Variants in SNRPN observed in about 807,000 individuals in gnomAD.
SNRPN encodes small nuclear ribonucleoprotein-associated protein N.
Under a neutral mutation model 25.2 loss-of-function variants are expected in SNRPN, and 7 were observed. That is an observed-to-expected ratio of 0.28 (90% CI 0.16 to 0.52). The LOEUF is 0.52. Ranked by LOEUF, SNRPN falls within the 20% of genes least tolerant of loss-of-function variation. The pLI, the probability that SNRPN is intolerant of heterozygous loss-of-function variation, is 0.96. For missense variants in SNRPN, 196 were observed against 322.5 expected (o/e 0.61, Z 3.00); for synonymous variants, 124 against 110.6 (o/e 1.12, Z -0.76).
At chr15:24,839,418 T>G (rs2051485473) in intron 2 of SNRPN, among the ~76,000 whole-genome samples, 1 of 152,074 alleles carries the variant, frequency 6.6e-6, no homozygotes, top group South Asian at 2.1e-4. Context: ...TCCACAAGCG[T>G]GCATATTTTT....
At chr15:24,933,604 C>A (rs1402224968) in intron 3 of SNRPN, among the ~76,000 whole-genome samples, 1 of 152,036 alleles carries the variant, frequency 6.6e-6, no homozygotes, top group African/African-American at 2.4e-5. Context: ...ATGATGAAAC[C>A]CTGTTTCTAC....
intron 2 of SNRPN, among the ~76,000 whole-genome samples, chr15:24,908,328 G>A (rs139741903): frequency 6.6e-6 from 1 of 152,182 alleles, no homozygotes; most frequent in Admixed American, 6.6e-5. Flanking sequence ...TGAGTAATGG[G>A]TAGAGGCTGG....
At chr15:24,908,358 C>T (rs1003623381) in intron 2 of SNRPN, among the ~76,000 whole-genome samples, 1 of 152,052 alleles carries the variant, frequency 6.6e-6, no homozygotes, top group Non-Finnish European at 1.5e-5. Flanking sequence ...GAAGTGCATG[C>T]TAGAAGAAGG....
intron 2 of SNRPN, among the ~76,000 whole-genome samples, chr15:24,840,073 A>G (rs2051557027): frequency 1.3e-5 from 2 of 152,196 alleles, no homozygotes; most frequent in African/African-American, 4.8e-5. Context: ...AAAGAGGGAT[A>G]TAGGCCGGGC....
rs2077324093 is a variant in SNRPN at position 24,978,591 on chromosome 15, T to C, written c.*147T>C. On this transcript the variant is annotated 3_prime_UTR_variant, in exon 10 of 10. Coordinates refer to ENST00000390687, the MANE Select transcript of SNRPN (RefSeq NM_003097.6). The stretch of plus-strand genomic sequence containing the variant: ...AGAGCAATTAAACTGTGAGGTACTG[T>C]TGTATATATTTTTTTGCCTGTTGAT... 2.6e-6 allele frequency: 2 copies of C among 762,682 alleles called. No homozygotes were observed. The highest frequency in any genetic ancestry group is 3.8e-4 in the Middle Eastern group (1 of 2,600). The allele number at this position is 762,682 out of a possible 1,614,324, so 47.2% of individuals were successfully genotyped here. A position where few individuals can be genotyped will look rare whatever the true frequency, so the allele number is the denominator to read the frequency against.
At chr15:24,970,890 A>G (rs2076316021) in intron 3 of SNRPN, among the ~76,000 whole-genome samples, 1 of 152,086 alleles carries the variant, frequency 6.6e-6, no homozygotes, top group Non-Finnish European at 1.5e-5. Context: ...TTGTGTATTA[A>G]TATTTTGCAT....
chr15:24,835,033 AGTATATATAT>A (rs1464543179), intron 2 of SNRPN, among the ~76,000 whole-genome samples: 1 of 57,254 alleles, frequency 1.7e-5, no homozygotes, highest in Non-Finnish European at 3.5e-5. Context: ...AGATATATAT[AGTATATATAT>A]CTATATATAA....
intron 3 of SNRPN, among the ~76,000 whole-genome samples, chr15:24,940,116 T>C (rs565581883): frequency 1.6e-4 from 24 of 152,312 alleles, no homozygotes; most frequent in African/African-American, 4.8e-4. Flanking sequence ...ATTCGGACTA[T>C]TAACATCTTA....
Position 24,918,825 on chromosome 15 carries a change from CAT to C in SNRPN, c.-504-1178_-504-1177del, listed in dbSNP as rs1298263772. Among the ~76,000 whole-genome samples the C allele has an allele frequency of 1.9e-5, 2 of 105,650 alleles. 1 individual carries two copies. Among genetic ancestry groups the C allele is most frequent in the Non-Finnish European group, 3.7e-5 (2 of 53,978 alleles). The allele number at this position is 105,650 out of a possible 152,430, so 69.3% of individuals were successfully genotyped here. A position where few individuals can be genotyped will look rare whatever the true frequency, so the allele number is the denominator to read the frequency against. On this transcript the variant is annotated intron_variant, in intron 2 of 11. Transcript: ENST00000400097. ...ATATATAACAATATATATATGTGCG[CAT>C]ATATATAATATATATATGCGCACAT...
chr15:24,840,079 C>T (rs745386948), intron 2 of SNRPN, among the ~76,000 whole-genome samples: 2 of 152,080 alleles, frequency 1.3e-5, no homozygotes, highest in African/African-American at 4.8e-5. Context: ...GGATATAGGC[C>T]GGGCGTGGTG....
intron 2 of SNRPN, among the ~76,000 whole-genome samples, chr15:24,892,845 T>C (rs1206734329): frequency 6.6e-6 from 1 of 152,098 alleles, no homozygotes; most frequent in African/African-American, 2.4e-5. Flanking sequence ...AAGAAAAGGC[T>C]TTTTGTCAAT....
chr15:24,847,537 G>A (rs1308785441), intron 2 of SNRPN, among the ~76,000 whole-genome samples: 1 of 152,120 alleles, frequency 6.6e-6, no homozygotes, highest in African/African-American at 2.4e-5. Context: ...CTACTGGGAG[G>A]CTGAGGCAGG....
intron 3 of SNRPN, among the ~76,000 whole-genome samples, chr15:24,927,869 T>C (rs892720761): frequency 6.6e-6 from 1 of 152,206 alleles, no homozygotes; most frequent in Non-Finnish European, 1.5e-5. Flanking sequence ...TGTCCTCAGC[T>C]TGAGTCCATC....
intron 1 of SNRPN, among the ~76,000 whole-genome samples, chr15:24,866,878 G>A (rs2054618246): frequency 6.8e-6 from 1 of 147,930 alleles, no homozygotes; most frequent in African/African-American, 2.6e-5. Context: ...CTTTTTATAT[G>A]CCTCAGTAGT....
chr15:24,898,563 G>A (rs2058235056), intron 2 of SNRPN, among the ~76,000 whole-genome samples: 1 of 151,742 alleles, frequency 6.6e-6, no homozygotes, highest in Non-Finnish European at 1.5e-5. Flanking sequence ...ACCCCATCCT[G>A]GCGACAGAGT....
chr15:24,955,187 T>C, intron 1 of SNRPN, 125 bp downstream of exon 1: 2 of 1,306,796 alleles, frequency 1.5e-6, no homozygotes, highest in East Asian at 4.9e-5. Context: ...TAAAGTCCTT[T>C]GTTCTGGAGA....
intron 3 of SNRPN, among the ~76,000 whole-genome samples, chr15:24,920,764 G>A (rs1474909970): frequency 6.6e-6 from 1 of 151,802 alleles, no homozygotes; most frequent in Non-Finnish European, 1.5e-5. Context: ...AGAATCACAT[G>A]TTAACAATTC....
At chr15:24,897,945 G>A (rs888557510) in intron 2 of SNRPN, among the ~76,000 whole-genome samples, 1 of 152,084 alleles carries the variant, frequency 6.6e-6, no homozygotes, top group South Asian at 2.1e-4. Flanking sequence ...CTGTATTAAT[G>A]TATTAATACA....
chr15:24,827,297 G>A lies in SNRPN; in HGVS notation c.-686-2501G>A, dbSNP rs1001259720. On this transcript the variant is annotated intron_variant, in intron 1 of 12. Coordinates refer to the SNRPN transcript ENST00000400100. ...TGGGAGGCCGAGGCAGGCGGATCAC[G>A]AGGTCAGGAGATTGAGACCATCCTG... Among the ~76,000 whole-genome samples the A allele has an allele frequency of 1.1e-3, 161 of 151,704 alleles. 1 individual carries two copies. The highest frequency in any genetic ancestry group is 3.7e-3 in the African/African-American group (153 of 41,264).
Sources: gnomAD v4.1 joint callset for allele counts (sites outside exome capture counted in the v4.1 genomes callset) on GRCh38, gnomAD v4.1.1 for gene constraint, MANE v1.5 for transcripts, NCBI Gene and HGNC (gene_info 2026-07-23, HGNC 2026-07-21) for gene names.